PCDHA3: variants seen among roughly 807,000 people sequenced by gnomAD.
PCDHA3 encodes the protein protocadherin alpha-3.
PCDHA3 carries 41 observed loss-of-function variants against 62.2 expected under a neutral mutation model. The ratio of observed to expected loss-of-function variants is 0.66; its 90% CI spans 0.51 to 0.86. The LOEUF (loss-of-function observed/expected upper bound fraction) is 0.86, where lower values mean the gene tolerates loss of function less well. PCDHA3 is among the 40% of genes least tolerant of loss of function. The pLI is 0.00. For missense variants in PCDHA3, 1,304 were observed against 1,241.2 expected (o/e 1.05, Z -0.76); for synonymous variants, 640 against 555.4 (o/e 1.15, Z -2.14).
intron 1 of PCDHA3, among the ~76,000 whole-genome samples, chr5:140,826,639 T>C (rs1554130613): frequency 6.6e-6 from 1 of 152,114 alleles, no homozygotes; most frequent in African/African-American, 2.4e-5. Context: ...GACTTTTATA[T>C]GAAGGTAACA....
At chr5:140,823,326 C>A (rs2150124741) in intron 1 of PCDHA3, 3 of 1,612,172 alleles carry the variant, frequency 1.9e-6, no homozygotes, top group Admixed American at 3.3e-5. Context: ...GCAAGGTGTA[C>A]GCGCTGCAGC....
intron 1 of PCDHA3, chr5:140,882,538 C>A: frequency 6.2e-7 from 1 of 1,614,170 alleles, no homozygotes; most frequent in Non-Finnish European, 8.5e-7. Context: ...ATTCTCGGAT[C>A]GACCGCGAGG....
At chr5:140,835,595 C>G (rs1241128064) in intron 1 of PCDHA3, 25 of 1,613,818 alleles carry the variant, frequency 1.5e-5, no homozygotes, top group Admixed American at 5.0e-5. Context: ...TCAAGAATTA[C>G]TATTCATTGG....
At position 140,840,716 on chromosome 5, in the gene PCDHA3, GAATA is replaced by G. The variant is rs1444091534; in HGVS notation, c.2394+37128_2394+37131del. 3.2e-4 allele frequency among the ~76,000 whole-genome samples: 48 copies of G among 151,992 alleles called. 1 individual carries two copies. Among genetic ancestry groups the G allele is most frequent in the Non-Finnish European group, 1.5e-5 (1 of 67,982 alleles). ...CGGTTCAGGCAATTTGACATTTATT[GAATA>G]AAGAAAAGCAAAAATTTAACAATAA... On this transcript the variant is annotated intron_variant, in intron 1 of 3. Coordinates refer to ENST00000522353, the MANE Select transcript of PCDHA3 (RefSeq NM_018906.3).
chr5:140,961,639 G>A (rs2095626284), intron 1 of PCDHA3, among the ~76,000 whole-genome samples: 1 of 152,144 alleles, frequency 6.6e-6, no homozygotes, highest in East Asian at 1.9e-4. Flanking sequence ...ACAATCTTAA[G>A]TCTATGTGGT....
At chr5:140,986,673 A>G (rs782404000) in intron 3 of PCDHA3, among the ~76,000 whole-genome samples, 2 of 152,168 alleles carry the variant, frequency 1.3e-5, no homozygotes. Context: ...TTTTCAGAAG[A>G]GTTCAGAAAG....
At chr5:140,843,607 G>C in intron 1 of PCDHA3, 1 of 1,596,080 alleles carries the variant, frequency 6.3e-7, no homozygotes, top group Non-Finnish European at 8.6e-7. Context: ...GCTCTGGTGA[G>C]GGGCCACCGA....
In PCDHA3 at chr5:140,903,479, T is replaced by C. The variant is rs73266018; in HGVS notation, c.2395-75470T>C. On this transcript the variant is annotated intron_variant, in intron 1 of 3. Transcript: ENST00000522353. The stretch of plus-strand genomic sequence containing the variant: ...ACTTAAAATATTATTCCTTGCATTA[T>C]AGTTCTGAGCAGGTACCATAGATAA... Among the ~76,000 whole-genome samples, 476 of 152,354 alleles carry C rather than the reference T, an allele frequency of 3.1e-3. 2 individuals are homozygous for C. The highest frequency in any genetic ancestry group is 0.011 in the African/African-American group (456 of 41,586).
intron 1 of PCDHA3, chr5:140,836,321 C>A: frequency 1.9e-6 from 3 of 1,613,768 alleles, no homozygotes; most frequent in Non-Finnish European, 2.5e-6. Flanking sequence ...CGCGCCACCG[C>A]CTTCTGGTGC....
At chr5:140,828,379 C>A in intron 1 of PCDHA3, 2 of 1,614,236 alleles carry the variant, frequency 1.2e-6, no homozygotes, top group Non-Finnish European at 1.7e-6. Flanking sequence ...AGGAGCTGTG[C>A]GGGCGGAGCG....
At chr5:140,983,807 G>GT (rs1418454252) in intron 3 of PCDHA3, among the ~76,000 whole-genome samples, 1 of 152,100 alleles carries the variant, frequency 6.6e-6, no homozygotes, top group East Asian at 1.9e-4. Flanking sequence ...TGTGTAAAAG[G>GT]TTTTTTCCCA....
chr5:140,901,301 G>A (rs990062811), intron 1 of PCDHA3, among the ~76,000 whole-genome samples: 11 of 152,112 alleles, frequency 7.2e-5, no homozygotes, highest in Non-Finnish European at 1.5e-4. Flanking sequence ...CTGATGTTCC[G>A]GAGAGTTTCC....
intron 3 of PCDHA3, among the ~76,000 whole-genome samples, chr5:141,007,395 CAAAAAAA>C (rs35800918): frequency 2.2e-3 from 204 of 94,846 alleles, no homozygotes; most frequent in African/African-American, 7.3e-3. Flanking sequence ...TACTAAAATA[CAAAAAAA>C]AAAAAAAAAA....
At chr5:140,828,600 A>G (rs1769845446) in intron 1 of PCDHA3, 3 of 1,614,242 alleles carry the variant, frequency 1.9e-6, no homozygotes, top group East Asian at 2.2e-5. Context: ...ATCTTAACCT[A>G]TAAACTCAGT....
chr5:140,877,867 T>A lies in PCDHA3; in HGVS notation c.2394+74276T>A, dbSNP rs782120587. 4.7e-6 allele frequency: 7 copies of A among 1,490,888 alleles called. No individual in the cohort carries two copies. The Admixed American group carries it at 1.7e-4, about 37-fold the overall frequency. 92.4% of individuals were successfully genotyped at this position (1,490,888 alleles called of 1,614,324 possible). A position where few individuals can be genotyped will look rare whatever the true frequency, so the allele number is the denominator to read the frequency against. On this transcript the variant is annotated intron_variant, in intron 1 of 3. Coordinates refer to ENST00000522353, the MANE Select transcript of PCDHA3 (RefSeq NM_018906.3). ...AAGTTATTAATATTATTTAGATATA[T>A]TTGTTTCCTTGAAGAACTTCCGTTT...
chr5:140,878,938 A>G (rs1413471911), intron 1 of PCDHA3, among the ~76,000 whole-genome samples: 1 of 152,226 alleles, frequency 6.6e-6, no homozygotes, highest in African/African-American at 2.4e-5. Flanking sequence ...TTTTAAATAA[A>G]TATATGGTAT....
intron 3 of PCDHA3, among the ~76,000 whole-genome samples, chr5:140,984,413 CAGAGAT>C (rs1244237847): frequency 1.3e-5 from 2 of 152,148 alleles, no homozygotes; most frequent in African/African-American, 4.8e-5. Context: ...ATCTTTTTTA[CAGAGAT>C]AGAGAAGGGG....
chr5:140,929,207 G>T (rs782298445), intron 1 of PCDHA3: 2 of 1,614,106 alleles, frequency 1.2e-6, no homozygotes, highest in Non-Finnish European at 1.7e-6. Flanking sequence ...TTGCTGTTGC[G>T]TGGGGAGTAC....
At position 140,849,929 on chromosome 5, in the gene PCDHA3, T is replaced by G. The variant is rs1450636702; in HGVS notation, c.2394+46338T>G. 8.1e-6 allele frequency: 13 copies of G among 1,598,096 alleles called. 1 individual carries two copies. The African/African-American group carries it at 1.2e-4, about 15-fold the overall frequency. On this transcript the variant is annotated intron_variant, in intron 1 of 3. Transcript: ENST00000522353. ...CGGGCTGCCACATCTTCACGGTGTC[T>G]GCGCGGGACGCTGACGCGCAGGAGA...
Sources: gnomAD v4.1 joint callset for allele counts (sites outside exome capture counted in the v4.1 genomes callset) on GRCh38, gnomAD v4.1.1 for gene constraint, MANE v1.5 for transcripts, NCBI Gene and HGNC (gene_info 2026-07-23, HGNC 2026-07-21) for gene names.